ATE1: variants seen among roughly 807,000 people sequenced by gnomAD.
The protein encoded by ATE1 is arginyltransferase 1.
In ATE1, 36 loss-of-function variants were observed where a neutral mutation model predicts 70.5. That is an observed-to-expected ratio of 0.51 (90% CI 0.39 to 0.67). ATE1 has a LOEUF of 0.67. Among genes scored for constraint, ATE1 ranks in the 30% least tolerant of loss-of-function variants. The pLI, the probability that ATE1 is intolerant of heterozygous loss-of-function variation, is 0.00. For synonymous variants in ATE1, 232 were observed against 219.3 expected, an observed-to-expected ratio of 1.06 and a Z score of -0.51; for missense variants, 593 against 629.5, an observed-to-expected ratio of 0.94 and a Z score of 0.62.
intron 10 of ATE1, among the ~76,000 whole-genome samples, chr10:121,794,636 A>ATT (rs1946584633): frequency 7.9e-6 from 1 of 126,730 alleles, no homozygotes; most frequent in Non-Finnish European, 1.7e-5. Context: ...AAAAAAAAGG[A>ATT]GAAGAGAATA....
intron 3 of ATE1, among the ~76,000 whole-genome samples, chr10:121,919,627 C>G (rs1013009611): frequency 6.6e-6 from 1 of 151,914 alleles, no homozygotes; most frequent in Non-Finnish European, 1.5e-5. Flanking sequence ...AATTAACACG[C>G]AAAATGTGCT....
At chr10:121,920,309 G>T (rs958558804) in intron 3 of ATE1, among the ~76,000 whole-genome samples, 1 of 151,806 alleles carries the variant, frequency 6.6e-6, no homozygotes, top group African/African-American at 2.4e-5. Flanking sequence ...AACATGGCGA[G>T]ATCAGCCTAG....
chr10:121,801,641 T>G (rs575339674), intron 10 of ATE1, among the ~76,000 whole-genome samples: 10 of 152,332 alleles, frequency 6.6e-5, no homozygotes, highest in Admixed American at 2.6e-4. Flanking sequence ...TGTCTATATA[T>G]AAATTTGGCA....
At chr10:121,869,361 T>A (rs763843160) in intron 8 of ATE1, among the ~76,000 whole-genome samples, 1 of 152,238 alleles carries the variant, frequency 6.6e-6, no homozygotes, top group Non-Finnish European at 1.5e-5. Context: ...TTGATGATCA[T>A]CTACAAGTTT....
chr10:121,838,107 C>T (rs1432308827), intron 9 of ATE1, among the ~76,000 whole-genome samples: 1 of 152,152 alleles, frequency 6.6e-6, no homozygotes, highest in Non-Finnish European at 1.5e-5. Flanking sequence ...CATTATGGTG[C>T]CCTTGGATGA....
intron 8 of ATE1, among the ~76,000 whole-genome samples, chr10:121,856,834 G>A (rs878990420): frequency 3.3e-5 from 5 of 152,152 alleles, no homozygotes; most frequent in Admixed American, 1.3e-4. Flanking sequence ...GAAGTGCAAC[G>A]AAGCGTAACA....
chr10:121,893,225 C>G (rs1950641699), intron 7 of ATE1, among the ~76,000 whole-genome samples: 1 of 144,174 alleles, frequency 6.9e-6, no homozygotes, highest in Non-Finnish European at 1.5e-5. Flanking sequence ...TGCAGTGAGC[C>G]AAGATCACGC....
intron 7 of ATE1, among the ~76,000 whole-genome samples, chr10:121,874,551 T>G (rs1291439423): frequency 3.4e-5 from 5 of 146,752 alleles, no homozygotes; most frequent in Non-Finnish European, 7.4e-5. Flanking sequence ...TTTAACCTAT[T>G]AGTGGGGAGT....
chr10:121,864,514 T>C (rs575212942), intron 8 of ATE1, among the ~76,000 whole-genome samples: 2 of 152,370 alleles, frequency 1.3e-5, no homozygotes, highest in Admixed American at 6.5e-5. Context: ...GTATGACCAT[T>C]GGCTAGTGTT....
chr10:121,819,103 A>G (rs1478366491), intron 10 of ATE1, among the ~76,000 whole-genome samples: 1 of 152,244 alleles, frequency 6.6e-6, no homozygotes, highest in South Asian at 2.1e-4. Context: ...AAAAGAAGAT[A>G]ATTCACTATT....
intron 4 of ATE1, among the ~76,000 whole-genome samples, chr10:121,911,907 C>A (rs1309957653): frequency 6.6e-6 from 1 of 152,200 alleles, no homozygotes; most frequent in African/African-American, 2.4e-5. Context: ...CCACCATGCC[C>A]AGTTAATTTT....
intron 11 of ATE1, among the ~76,000 whole-genome samples, chr10:121,748,514 T>C (rs1162687074): frequency 6.6e-6 from 1 of 152,192 alleles, no homozygotes; most frequent in Admixed American, 6.5e-5. Flanking sequence ...TTTCAACCAC[T>C]GAATTCCAAA....
intron 10 of ATE1, among the ~76,000 whole-genome samples, chr10:121,805,087 A>T (rs1031440985): frequency 6.6e-6 from 1 of 152,210 alleles, no homozygotes; most frequent in African/African-American, 2.4e-5. Context: ...CTCTTTCCGC[A>T]ATAACAGCAG....
chr10:121,774,044 T>C (rs371976378), intron 11 of ATE1, among the ~76,000 whole-genome samples: 1 of 152,206 alleles, frequency 6.6e-6, no homozygotes, highest in Admixed American at 6.5e-5. Flanking sequence ...TCATCTTGAA[T>C]GCAGTTTAAA....
intron 9 of ATE1, among the ~76,000 whole-genome samples, chr10:121,840,686 A>C (rs1166704747): frequency 6.6e-6 from 1 of 151,820 alleles, no homozygotes; most frequent in Non-Finnish European, 1.5e-5. Context: ...TACCTTATAA[A>C]TACAATATAA....
At chr10:121,798,698 G>A (rs534347765) in intron 10 of ATE1, among the ~76,000 whole-genome samples, 80 of 151,952 alleles carry the variant, frequency 5.3e-4, no homozygotes, top group African/African-American at 1.8e-3. Flanking sequence ...TCAGGAATTC[G>A]AGATCAGCCT....
chr10:121,898,867 G>T, intron 7 of ATE1: 1 of 1,613,896 alleles, frequency 6.2e-7, no homozygotes, highest in Non-Finnish European at 8.5e-7. Context: ...TCATCGGGTG[G>T]ATCCTGGTGT....
intron 11 of ATE1, 39 bp from the exon 12 acceptor site, chr10:121,743,897 T>C: frequency 7.4e-7 from 1 of 1,350,282 alleles, no homozygotes; most frequent in Non-Finnish European, 1.0e-6. Flanking sequence ...AAATGTCACA[T>C]ATCAAAACTT....
intron 10 of ATE1, among the ~76,000 whole-genome samples, chr10:121,815,695 A>G (rs1947513347): frequency 1.1e-4 from 16 of 152,166 alleles, no homozygotes; most frequent in Admixed American, 1.0e-3. Flanking sequence ...GTGAACTCAA[A>G]GTTAATCTTT....
Sources: allele counts gnomAD v4.1 joint callset (sites outside exome capture counted in the v4.1 genomes callset), GRCh38; gene constraint gnomAD v4.1.1; transcripts MANE v1.5; gene names NCBI Gene and HGNC (gene_info 2026-07-23, HGNC 2026-07-21).